Variants in PTPRD observed in about 807,000 individuals in gnomAD.
The protein encoded by PTPRD is protein tyrosine phosphatase receptor type D.
A neutral mutation model predicts 214.5 loss-of-function variants in PTPRD; 34 were observed. The observed-to-expected ratio is 0.16, with a 90% CI of 0.12 to 0.21. PTPRD has a LOEUF of 0.21. Among genes scored for constraint, PTPRD ranks in the 10% least tolerant of loss-of-function variants. PTPRD has a pLI of 1.00. For missense variants in PTPRD, 2,545 were observed against 2,398.7 expected (o/e 1.06, Z -1.27); for synonymous variants, 1,128 against 845.7 (o/e 1.33, Z -5.79).
At chr9:9,648,340 A>C (rs2154371009) in intron 7 of PTPRD, among the ~76,000 whole-genome samples, 1 of 152,318 alleles carries the variant, frequency 6.6e-6, no homozygotes, top group East Asian at 1.9e-4. Flanking sequence ...GTGGGACCAG[A>C]ATCCAACTCT....
chr9:9,187,780 ATT>A (rs5896309), intron 9 of PTPRD, among the ~76,000 whole-genome samples: 1 of 149,132 alleles, frequency 6.7e-6, no homozygotes, highest in African/African-American at 2.5e-5. Flanking sequence ...GAATAAGAGG[ATT>A]TTTTTTTTGT....
intron 9 of PTPRD, among the ~76,000 whole-genome samples, chr9:9,196,553 CT>C (rs1171236178): frequency 2.0e-5 from 3 of 152,160 alleles, no homozygotes; most frequent in Non-Finnish European, 4.4e-5. Context: ...CCCTACTCTA[CT>C]TTATACGGTT....
At chr9:9,253,518 T>C (rs12348474) in intron 9 of PTPRD, among the ~76,000 whole-genome samples, 48,734 of 151,860 alleles carry the variant, frequency 0.32, 8,844 homozygotes, top group Middle Eastern at 0.43. Flanking sequence ...AAAAAATATG[T>C]ATACACATAT....
At chr9:8,962,584 G>C (rs1448429993) in intron 11 of PTPRD, among the ~76,000 whole-genome samples, 1 of 151,932 alleles carries the variant, frequency 6.6e-6, no homozygotes, top group African/African-American at 2.4e-5. Flanking sequence ...CATCATTTAA[G>C]CTTTGTATCA....
intron 11 of PTPRD, among the ~76,000 whole-genome samples, chr9:8,743,293 A>G (rs1361707254): frequency 3.3e-5 from 5 of 152,306 alleles, no homozygotes; most frequent in Non-Finnish European, 7.4e-5. Context: ...TTAAAAGTTT[A>G]GTTCACAGGC....
At chr9:8,553,392 G>A (rs577078076) in intron 14 of PTPRD, among the ~76,000 whole-genome samples, 7 of 152,258 alleles carry the variant, frequency 4.6e-5, no homozygotes, top group South Asian at 2.1e-4. Context: ...CTGGCGTGGC[G>A]TGAAAACAAG....
At chr9:9,836,801 A>C (rs1045245605) in intron 5 of PTPRD, among the ~76,000 whole-genome samples, 2 of 152,198 alleles carry the variant, frequency 1.3e-5, no homozygotes, top group African/African-American at 4.8e-5. Flanking sequence ...ATGACTTACT[A>C]TATGTAAAAC....
chr9:10,022,894 C>A (rs1290179340), intron 4 of PTPRD, among the ~76,000 whole-genome samples: 1 of 152,058 alleles, frequency 6.6e-6, no homozygotes, highest in Non-Finnish European at 1.5e-5. Context: ...TTAGGTTGTT[C>A]CTTTAGCATG....
In PTPRD at chr9:9,092,849, G is replaced by C. The variant is rs563715127; in HGVS notation, c.-142-74114C>G. ...TCAACCATACCAATAATTTCATCAT[G>C]TGTAAATGTTCTAAACACACAAATT... is the stretch of plus-strand genomic sequence containing the variant. On this transcript the variant is annotated intron_variant, in intron 10 of 45. Transcript: ENST00000381196. 4.6e-5 allele frequency among the ~76,000 whole-genome samples: 7 copies of C among 152,072 alleles called. No homozygotes were observed. In the East Asian group the frequency reaches 1.2e-3, roughly 25 times the overall value.
intron 7 of PTPRD, among the ~76,000 whole-genome samples, chr9:9,584,213 A>ATG (rs2091457737): frequency 6.6e-6 from 1 of 151,922 alleles, no homozygotes; most frequent in African/African-American, 2.4e-5. Context: ...GTTTATATAT[A>ATG]TGAAGTGCCC....
At chr9:9,506,002 C>T (rs2096562236) in intron 8 of PTPRD, among the ~76,000 whole-genome samples, 1 of 151,204 alleles carries the variant, frequency 6.6e-6, no homozygotes, top group Non-Finnish European at 1.5e-5. Flanking sequence ...TCTAAGGACA[C>T]AGGTCTGATT....
intron 11 of PTPRD, among the ~76,000 whole-genome samples, chr9:8,984,735 T>A (rs1049421683): frequency 1.3e-5 from 2 of 152,136 alleles, no homozygotes; most frequent in African/African-American, 4.8e-5. Context: ...TGGTCCTTTA[T>A]GTAGTAGCCC....
At chr9:10,013,450 A>T (rs925919293) in intron 4 of PTPRD, among the ~76,000 whole-genome samples, 1 of 151,632 alleles carries the variant, frequency 6.6e-6, no homozygotes, top group Non-Finnish European at 1.5e-5. Flanking sequence ...GGTACTCCTT[A>T]TTTCCTCTTA....
rs565506544 is a variant in PTPRD, at chr9:8,404,197, C to T, written c.4210+340G>A. Among the ~76,000 whole-genome samples, 12 of 152,258 alleles carry T rather than the reference C, an allele frequency of 7.9e-5. 1 individual carries two copies. The highest frequency in any genetic ancestry group is 4.1e-4 in the South Asian group (2 of 4,824). On this transcript the variant is annotated intron_variant, in intron 36 of 45. Coordinates refer to ENST00000381196, the MANE Select transcript of PTPRD (RefSeq NM_002839.4). ...GGGCTGGAGTACAGTGACACGATCT[C>T]GGCTCACTGCAACTCCCGCCTCCTG... is the stretch of plus-strand genomic sequence containing the variant.
At chr9:9,814,219 C>A (rs1565465288) in intron 5 of PTPRD, among the ~76,000 whole-genome samples, 1 of 151,258 alleles carries the variant, frequency 6.6e-6, no homozygotes, top group East Asian at 1.9e-4. Flanking sequence ...GAAAGGTTTT[C>A]TTTTAAGATC....
intron 2 of PTPRD, among the ~76,000 whole-genome samples, chr9:10,478,084 A>G (rs1017232679): frequency 1.3e-5 from 2 of 152,074 alleles, no homozygotes; most frequent in Non-Finnish European, 2.9e-5. Context: ...ACCATGGTAC[A>G]TGTATACCTA....
intron 2 of PTPRD, among the ~76,000 whole-genome samples, chr9:10,412,643 C>A (rs866887482): frequency 6.9e-6 from 1 of 144,886 alleles, no homozygotes; most frequent in African/African-American, 2.8e-5. Context: ...AACACACACA[C>A]ACACACACAC....
intron 4 of PTPRD, among the ~76,000 whole-genome samples, chr9:9,977,287 T>C (rs1304248125): frequency 6.6e-6 from 1 of 152,142 alleles, no homozygotes; most frequent in Non-Finnish European, 1.5e-5. Flanking sequence ...CTTGGCTTAA[T>C]AAAAAGAGAA....
chr9:9,485,802 T>C (rs1351604869), intron 8 of PTPRD, among the ~76,000 whole-genome samples: 1 of 152,120 alleles, frequency 6.6e-6, no homozygotes, highest in Non-Finnish European at 1.5e-5. Context: ...ATTCTAGGGA[T>C]ATCACTTTCT....
Sources: allele counts gnomAD v4.1 joint callset (sites outside exome capture counted in the v4.1 genomes callset), GRCh38; gene constraint gnomAD v4.1.1; transcripts MANE v1.5; gene names NCBI Gene and HGNC (gene_info 2026-07-23, HGNC 2026-07-21).